The following CYP19A1 variants were observed in gnomAD, a reference collection of about 807,000 sequenced individuals.
The protein encoded by CYP19A1 is aromatase.
Under a neutral mutation model 44.4 loss-of-function variants are expected in CYP19A1, and 32 were observed. The ratio of observed to expected loss-of-function variants is 0.72; its 90% CI spans 0.54 to 0.97. CYP19A1 has a LOEUF of 0.97. Among genes scored for constraint, CYP19A1 ranks in the 50% least tolerant of loss-of-function variants. CYP19A1 has a pLI of 0.00. For missense variants in CYP19A1, 598 were observed against 637.8 expected, an observed-to-expected ratio of 0.94 and a Z score of 0.67; for synonymous variants, 212 against 215.6, an observed-to-expected ratio of 0.98 and a Z score of 0.14.
chr15:51,262,439 A>G (rs1190052872), intron 1 of CYP19A1, among the ~76,000 whole-genome samples: 2 of 151,936 alleles, frequency 1.3e-5, no homozygotes, highest in Non-Finnish European at 2.9e-5. Context: ...TGGTCTCAGC[A>G]CTCTCTATTC....
intron 1 of CYP19A1, chr15:51,293,850 C>G: frequency 5.3e-6 from 1 of 187,624 alleles, no homozygotes. Context: ...GAGTCTCGTT[C>G]ACTCACTGCT....
chr15:51,322,971 A>C (rs1208099060), intron 1 of CYP19A1, among the ~76,000 whole-genome samples: 2 of 152,238 alleles, frequency 1.3e-5, no homozygotes, highest in African/African-American at 2.4e-5. Flanking sequence ...CAAACTTTCA[A>C]GCCTCAATAA....
At position 51,224,414 on chromosome 15, in the gene CYP19A1, C is replaced by T. The variant is rs535842361; in HGVS notation, c.452-1889G>A. On this transcript the variant is annotated intron_variant, in intron 4 of 9. Coordinates refer to ENST00000396402, the MANE Select transcript of CYP19A1 (RefSeq NM_000103.4). ...GAACTTTCCAATAAGCAATTATCCC[C>T]CTATTTCCTGAGATTATGAATTTGG... Among the ~76,000 whole-genome samples the T allele has an allele frequency of 2.0e-5, 3 of 152,274 alleles. No individual in the cohort carries two copies. The East Asian group carries it at 5.8e-4, about 29-fold the overall frequency.
intron 1 of CYP19A1, among the ~76,000 whole-genome samples, chr15:51,255,050 G>A (rs1017304550): frequency 5.3e-5 from 8 of 152,132 alleles, no homozygotes; most frequent in African/African-American, 1.9e-4. Flanking sequence ...AGGGTCATGG[G>A]CTCCCTTAAG....
At chr15:51,271,045 T>C (rs2035107497) in intron 1 of CYP19A1, among the ~76,000 whole-genome samples, 2 of 48,120 alleles carry the variant, frequency 4.2e-5, no homozygotes, top group African/African-American at 1.5e-4. Flanking sequence ...GTCTAAGCAT[T>C]TTTTTTTTTT....
chr15:51,267,594 G>A (rs1332164464), intron 1 of CYP19A1, among the ~76,000 whole-genome samples: 3 of 152,182 alleles, frequency 2.0e-5, no homozygotes, highest in Admixed American at 1.3e-4. Context: ...GCCGGGTGGG[G>A]GCCCAGAACC....
At chr15:51,288,029 T>A (rs964932269) in intron 1 of CYP19A1, among the ~76,000 whole-genome samples, 1 of 152,198 alleles carries the variant, frequency 6.6e-6, no homozygotes, top group East Asian at 1.9e-4. Context: ...CTTAAGGCAC[T>A]GGAGTCTCTA....
At chr15:51,237,315 A>T (rs2033469737) in intron 2 of CYP19A1, among the ~76,000 whole-genome samples, 1 of 152,166 alleles carries the variant, frequency 6.6e-6, no homozygotes, top group African/African-American at 2.4e-5. Flanking sequence ...TCCCAGGTTA[A>T]CTGGTATCAG....
intron 1 of CYP19A1, among the ~76,000 whole-genome samples, chr15:51,265,446 G>A (rs2034881347): frequency 6.6e-6 from 1 of 152,166 alleles, no homozygotes; most frequent in African/African-American, 2.4e-5. Flanking sequence ...AAAAGGGATG[G>A]GGACAGATAG....
chr15:51,328,437 C>T (rs2036646749), intron 1 of CYP19A1, among the ~76,000 whole-genome samples: 1 of 152,198 alleles, frequency 6.6e-6, no homozygotes, highest in African/African-American at 2.4e-5. Flanking sequence ...TGGCATCCCA[C>T]ATTCACCGTC....
In CYP19A1 at chr15:51,293,070, T is replaced by G. The variant is rs116144708; in HGVS notation, c.-39+45425A>C. Among the ~76,000 whole-genome samples the G allele has an allele frequency of 5.5e-3, 836 of 152,020 alleles. 11 individuals are homozygous for G. The highest frequency in any genetic ancestry group is 0.019 in the African/African-American group (805 of 41,450). ...GAGCTGTGGGAACAAGGAACAAGGC[T>G]TAAGAGTTCAGTGCCTTATAATGGA... On this transcript the variant is annotated intron_variant, in intron 1 of 9. Transcript: ENST00000396402.
At chr15:51,261,208 A>C (rs1376786987) in intron 1 of CYP19A1, among the ~76,000 whole-genome samples, 2 of 152,162 alleles carry the variant, frequency 1.3e-5, no homozygotes, top group Admixed American at 1.3e-4. Context: ...TAGAGCTATA[A>C]CACTCACCGC....
chr15:51,293,919 C>A, intron 1 of CYP19A1: 1 of 213,946 alleles, frequency 4.7e-6, no homozygotes, highest in Non-Finnish European at 9.2e-6. Context: ...ACCTCCACCT[C>A]CCAGCCGCCT....
chr15:51,293,019 A>AG (rs769906149), intron 1 of CYP19A1, among the ~76,000 whole-genome samples: 3 of 150,912 alleles, frequency 2.0e-5, no homozygotes, highest in South Asian at 4.3e-4. Context: ...TAAATAAAGC[A>AG]GGGGGAAGGA....
intron 1 of CYP19A1, among the ~76,000 whole-genome samples, chr15:51,295,903 A>G (rs2035985594): frequency 6.6e-6 from 1 of 152,196 alleles, no homozygotes; most frequent in African/African-American, 2.4e-5. Flanking sequence ...TGGCCAGACC[A>G]GGAAAGGCAG....
chr15:51,242,338 G>A, intron 2 of CYP19A1: 1 of 274,730 alleles, frequency 3.6e-6, no homozygotes. Flanking sequence ...ACAAGACAAA[G>A]AGGGGGCATG....
intron 3 of CYP19A1, among the ~76,000 whole-genome samples, chr15:51,232,490 C>T (rs2033106318): frequency 6.6e-6 from 1 of 152,190 alleles, no homozygotes; most frequent in Non-Finnish European, 1.5e-5. Context: ...GTTCTCTCTA[C>T]TCAATCATCC....
intron 1 of CYP19A1, among the ~76,000 whole-genome samples, chr15:51,280,627 G>A (rs1294864189): frequency 1.3e-5 from 2 of 152,218 alleles, no homozygotes; most frequent in East Asian, 3.9e-4. Flanking sequence ...CATGGGTGGA[G>A]GTGGGGAGAT....
At chr15:51,235,392 C>T (rs1381243652) in intron 3 of CYP19A1, among the ~76,000 whole-genome samples, 1 of 152,110 alleles carries the variant, frequency 6.6e-6, no homozygotes, top group East Asian at 1.9e-4. Context: ...CTAACAAGTT[C>T]CCAGGCTTGT....
Sources: allele counts gnomAD v4.1 joint callset (sites outside exome capture counted in the v4.1 genomes callset), GRCh38; gene constraint gnomAD v4.1.1; transcripts MANE v1.5; gene names NCBI Gene and HGNC (gene_info 2026-07-23, HGNC 2026-07-21).